The following PCDHGA9 variants were observed in gnomAD, a reference collection of about 807,000 sequenced individuals.
PCDHGA9 encodes protocadherin gamma subfamily A, 9.
In PCDHGA9, 37 loss-of-function variants were observed where a neutral mutation model predicts 62.5. That is an observed-to-expected ratio of 0.59 (90% CI 0.46 to 0.78). The LOEUF (loss-of-function observed/expected upper bound fraction) is 0.78. Among genes scored for constraint, PCDHGA9 ranks in the 30% least tolerant of loss-of-function variants. The pLI, the probability that PCDHGA9 is intolerant of heterozygous loss-of-function variation, is 0.00. For synonymous variants in PCDHGA9, 459 were observed against 484.6 expected (o/e 0.95, Z 0.69); for missense variants, 1,138 against 1,166.2 (o/e 0.98, Z 0.35).
At position 141,485,929 on chromosome 5, in the gene PCDHGA9, G is replaced by A; in HGVS notation, c.2425-8878G>A. 1 of 1,614,150 alleles carries A rather than the reference G, an allele frequency of 6.2e-7. No homozygotes were observed. The highest frequency in any genetic ancestry group is 8.5e-7 in the Non-Finnish European group (1 of 1,180,036). ...AATCCAGCTACAGGATTAGTGTGTT[G>A]GAGAGCGCACCAGCGGGCATGGTGC... On this transcript the variant is annotated intron_variant, in intron 1 of 3. Coordinates refer to ENST00000573521, the MANE Select transcript of PCDHGA9 (RefSeq NM_018921.3). This position sits in a 1 kb window ranked among gnomAD's most constrained non-coding sequence, Gnocchi z 5.7.
In PCDHGA9 at chr5:141,431,814, T is replaced by C. The variant is rs1300319049; in HGVS notation, c.2424+26438T>C. 1 of 1,614,246 alleles carries C rather than the reference T, an allele frequency of 6.2e-7. No homozygotes were observed. Among genetic ancestry groups the C allele is most frequent in the Non-Finnish European group, 8.5e-7 (1 of 1,180,044 alleles). ...GCCCCAGAAGTGGTCCTCACCTCTC[T>C]CGCCAGCTCGGTTCCCGAAAACTCT... On this transcript the variant is annotated intron_variant, in intron 1 of 3. Coordinates refer to ENST00000573521, the MANE Select transcript of PCDHGA9 (RefSeq NM_018921.3). The surrounding 1 kb of genome is among the most constrained non-coding windows in gnomAD (Gnocchi z 4.8).
chr5:141,491,982 T>G lies in PCDHGA9; in HGVS notation c.2425-2825T>G. On this transcript the variant is annotated intron_variant, in intron 1 of 3. Coordinates refer to ENST00000573521, the MANE Select transcript of PCDHGA9 (RefSeq NM_018921.3). This position sits in a 1 kb window ranked among gnomAD's most constrained non-coding sequence, Gnocchi z 6.9. Reference sequence around the variant, plus strand: ...AAAAGGCCGGGGCCTCCTTCGAGCTTCCGGTGAATTTCGGGCGATTTCCGC... The same window carrying G: ...AAAAGGCCGGGGCCTCCTTCGAGCTGCCGGTGAATTTCGGGCGATTTCCGC... The G allele has an allele frequency of 2.6e-6, 2 of 759,438 alleles. No homozygotes were observed. Among genetic ancestry groups the G allele is most frequent in the East Asian group, 3.2e-5 (1 of 31,728 alleles). The allele number at this position is 759,438 out of a possible 1,614,324, so 47.0% of individuals were successfully genotyped here. A position where few individuals can be genotyped will look rare whatever the true frequency, so the allele number is the denominator to read the frequency against.
rs143939286 is a variant in PCDHGA9 at position 141,427,522 on chromosome 5, T to C, written c.2424+22146T>C. 6.1e-3 allele frequency: 3,716 copies of C among 607,796 alleles called. 27 individuals are homozygous for C. The highest frequency in any genetic ancestry group is 8.8e-3 in the Non-Finnish European group (2,868 of 324,656). The allele number at this position is 607,796 out of a possible 1,614,324, so 37.7% of individuals were successfully genotyped here. A position where few individuals can be genotyped will look rare whatever the true frequency, so the allele number is the denominator to read the frequency against. On this transcript the variant is annotated intron_variant, in intron 1 of 3. Transcript: ENST00000573521. ...GATGGGACCCTGGATTGGGAGCGGATCCCGGAGTACAACGTCACCATCACT... is the reference window on the plus strand; with the variant it reads ...GATGGGACCCTGGATTGGGAGCGGACCCCGGAGTACAACGTCACCATCACT...
At chr5:141,414,640 G>A (rs1035735674) in intron 1 of PCDHGA9, 2 of 1,613,838 alleles carry the variant, frequency 1.2e-6, no homozygotes, top group Non-Finnish European at 1.7e-6. Flanking sequence ...CAAAGAGAAT[G>A]CCCAGATTAT....
rs778198822 is a variant in PCDHGA9 at position 141,432,802 on chromosome 5, A to G, written c.2424+27426A>G. 29 of 1,613,964 alleles carry G rather than the reference A, an allele frequency of 1.8e-5. No individual in the cohort carries two copies. The African/African-American group carries it at 3.6e-4, about 20-fold the overall frequency. On this transcript the variant is annotated intron_variant, in intron 1 of 3. Coordinates refer to ENST00000573521, the MANE Select transcript of PCDHGA9 (RefSeq NM_018921.3). This position sits in a 1 kb window ranked among gnomAD's most constrained non-coding sequence, Gnocchi z 6.0. ...CGGACCTCGGCAGCCTCGAGTCTCC[A>G]GCTAACTCTGAAACCTCAGACCTCA...
chr5:141,415,130 A>G (rs2095833213), intron 1 of PCDHGA9: 3 of 1,613,636 alleles, frequency 1.9e-6, no homozygotes, highest in South Asian at 1.1e-5. Flanking sequence ...GCCGTCCAGG[A>G]CCACGGCCAG....
intron 1 of PCDHGA9, among the ~76,000 whole-genome samples, chr5:141,494,199 G>A (rs1033914239): frequency 1.3e-5 from 2 of 152,160 alleles, no homozygotes; most frequent in South Asian, 2.1e-4. Context: ...TGGATGCCCC[G>A]CAAAGGCCCA....
chr5:141,434,132 G>A (rs2097674012), intron 1 of PCDHGA9, among the ~76,000 whole-genome samples: 1 of 152,194 alleles, frequency 6.6e-6, no homozygotes, highest in South Asian at 2.1e-4. Context: ...CCTTTAGGCT[G>A]ATTTCTATGT....
rs143638501 is a variant in PCDHGA9, at chr5:141,486,817, T to C, written c.2425-7990T>C. On this transcript the variant is annotated intron_variant, in intron 1 of 3. Coordinates refer to ENST00000573521, the MANE Select transcript of PCDHGA9 (RefSeq NM_018921.3). This position sits in a 1 kb window ranked among gnomAD's most constrained non-coding sequence, Gnocchi z 5.0. ...GGGGCAACCCACCCCTTAGCAGCACTGTAACAGTTCGTCTATTTGTGCTGG... is the reference window on the plus strand; with the variant it reads ...GGGGCAACCCACCCCTTAGCAGCACCGTAACAGTTCGTCTATTTGTGCTGG... 153 of 1,614,220 alleles carry C rather than the reference T, an allele frequency of 9.5e-5. 1 individual carries two copies. In the African/African-American group the frequency reaches 1.4e-3, roughly 15 times the overall value.
intron 1 of PCDHGA9, chr5:141,409,041 A>T: frequency 6.2e-7 from 1 of 1,613,982 alleles, no homozygotes; most frequent in Non-Finnish European, 8.5e-7. Flanking sequence ...ATAAACTACT[A>T]CTTCCGAAGC....
Position 141,490,909 on chromosome 5 carries a change from G to C in PCDHGA9, c.2425-3898G>C. ...ATCTCTGCATGTGTTTGTCCTAGAC[G>C]AGAATGATAATGCCCCAGCTGTGCT... On this transcript the variant is annotated intron_variant, in intron 1 of 3. Coordinates refer to ENST00000573521, the MANE Select transcript of PCDHGA9 (RefSeq NM_018921.3). This position sits in a 1 kb window ranked among gnomAD's most constrained non-coding sequence, Gnocchi z 5.4. 1 of 1,613,744 alleles carries C rather than the reference G, an allele frequency of 6.2e-7. No individual in the cohort carries two copies. The highest frequency in any genetic ancestry group is 2.2e-5 in the East Asian group (1 of 44,870).
chr5:141,477,884 G>A lies in PCDHGA9; in HGVS notation c.2425-16923G>A. On this transcript the variant is annotated intron_variant, in intron 1 of 3. Transcript: ENST00000573521. The surrounding 1 kb of genome is among the most constrained non-coding windows in gnomAD (Gnocchi z 4.9). ...TCGAGGTACCTCAGCTGGCCACCTA[G>A]TGTCACGGGTGGTAGGCTGGGACGC... 6.2e-7 allele frequency: 1 copy of A among 1,614,190 alleles called. No homozygotes were observed. The highest frequency in any genetic ancestry group is 8.5e-7 in the Non-Finnish European group (1 of 1,180,036).
rs1399250599 is a variant in PCDHGA9, at chr5:141,476,902, C to A, written c.2425-17905C>A. On this transcript the variant is annotated intron_variant, in intron 1 of 3. Coordinates refer to ENST00000573521, the MANE Select transcript of PCDHGA9 (RefSeq NM_018921.3). The surrounding 1 kb of genome is among the most constrained non-coding windows in gnomAD (Gnocchi z 7.6). ...TGGAGGATGCACCCTCCGGCACGCG[C>A]GTGGTACAAGTCCTTGCAACGGATC... 5 of 1,613,880 alleles carry A rather than the reference C, an allele frequency of 3.1e-6. No individual in the cohort carries two copies. Among genetic ancestry groups the A allele is most frequent in the South Asian group, 1.1e-5 (1 of 91,090 alleles).
rs753664223 is a variant in PCDHGA9 at position 141,410,518 on chromosome 5, C to G, written c.2424+5142C>G. 5.0e-6 allele frequency: 8 copies of G among 1,613,820 alleles called. No homozygotes were observed. In the East Asian group the frequency reaches 1.8e-4, roughly 36 times the overall value. On this transcript the variant is annotated intron_variant, in intron 1 of 3. Coordinates refer to ENST00000573521, the MANE Select transcript of PCDHGA9 (RefSeq NM_018921.3). ...TTAATTTCCTAAAATGCAGTGTGCC[C>G]CTACATTCCAATGAAGACATGGTTT...
chr5:141,413,024 C>G, intron 1 of PCDHGA9: 1 of 736,254 alleles, frequency 1.4e-6, no homozygotes, highest in Non-Finnish European at 2.1e-6. Context: ...ACAAGCCCCA[C>G]AAACCGGCTG....
intron 1 of PCDHGA9, among the ~76,000 whole-genome samples, chr5:141,475,299 T>C (rs1227132122): frequency 6.6e-6 from 1 of 152,204 alleles, no homozygotes; most frequent in Non-Finnish European, 1.5e-5. Context: ...AAATTTCTTA[T>C]TGCTCCCTGG....
In PCDHGA9 at chr5:141,491,867, T is replaced by A. The variant is rs1424221139; in HGVS notation, c.2425-2940T>A. On this transcript the variant is annotated intron_variant, in intron 1 of 3. Transcript: ENST00000573521. The surrounding 1 kb of genome is among the most constrained non-coding windows in gnomAD (Gnocchi z 6.9). ...TTGGACCGTTTGCGCGAAACCAGAG[T>A]GGCCGATTAAGGGATGGGGCTCCGA... 6.9e-7 allele frequency: 1 copy of A among 1,452,218 alleles called. No homozygotes were observed. The highest frequency in any genetic ancestry group is 9.1e-7 in the Non-Finnish European group (1 of 1,099,056). The allele number at this position is 1,452,218 out of a possible 1,614,324, so 90.0% of individuals were successfully genotyped here. A position where few individuals can be genotyped will look rare whatever the true frequency, so the allele number is the denominator to read the frequency against.
In PCDHGA9 at chr5:141,405,042, T is replaced by C. The variant is rs765018710; in HGVS notation, c.2090T>C (p.Val697Ala). 1.2e-6 allele frequency: 2 copies of C among 1,613,144 alleles called. No homozygotes were observed. Among genetic ancestry groups the C allele is most frequent in the South Asian group, 1.1e-5 (1 of 91,088 alleles). Residue 697 changes from valine to alanine, a missense_variant, in exon 1 of 4, where the codon GTG (valine) becomes GCG (alanine). By Grantham distance (64) the Val-to-Ala change is moderately conservative. Coordinates refer to ENST00000573521, the MANE Select transcript of PCDHGA9 (RefSeq NM_018921.3). ...CTTACCCTCTACCTCGTTGTGGCTG[T>C]GGCAGTCGTCTCCTGTGTCTTCCTC... Reference protein sequence around the residue: ...SDLTLYLVVAVAVVSCVFLTF... With the variant: ...SDLTLYLVVAAAVVSCVFLTF...
At chr5:141,413,151 T>C (rs1192899612) in intron 1 of PCDHGA9, 5 of 1,573,560 alleles carry the variant, frequency 3.2e-6, no homozygotes, top group South Asian at 1.2e-5. Context: ...GTGAGGACTT[T>C]GCAGAATTCT....
Sources: gnomAD v4.1 joint callset for allele counts (sites outside exome capture counted in the v4.1 genomes callset) on GRCh38, gnomAD v4.1.1 for gene constraint, Gnocchi (gnomAD v3.1) non-coding constraint, MANE v1.5 for transcripts, NCBI Gene and HGNC (gene_info 2026-07-23, HGNC 2026-07-21) for gene names.